The following TENM4 variants were observed in gnomAD, a reference collection of about 807,000 sequenced individuals.
TENM4 encodes teneurin transmembrane protein 4.
In TENM4, 82 loss-of-function variants were observed where a neutral mutation model predicts 243.3. The observed-to-expected ratio is 0.34, with a 90% CI of 0.28 to 0.40. TENM4 has a LOEUF of 0.40. Ranked by LOEUF, TENM4 falls within the 10% of genes least tolerant of loss-of-function variation. The pLI is 1.00. For synonymous variants in TENM4, 1,412 were observed against 1,456.3 expected, an observed-to-expected ratio of 0.97 and a Z score of 0.69; for missense variants, 3,138 against 3,673.3, an observed-to-expected ratio of 0.85 and a Z score of 3.77.
At chr11:79,193,067 T>C (rs776546260) in intron 3 of TENM4, 15 of 152,494 alleles carry the variant, frequency 9.8e-5, no homozygotes, top group African/African-American at 3.1e-4. Flanking sequence ...GAGGCCCTGA[T>C]TGATGCCCAG....
chr11:78,863,107 C>A lies in TENM4; in HGVS notation c.1110G>T (p.Trp370Cys). The A allele has an allele frequency of 6.6e-7, 1 of 1,523,970 alleles. No homozygotes were observed. The highest frequency in any genetic ancestry group is 8.9e-7 in the Non-Finnish European group (1 of 1,126,212). The allele number at this position is 1,523,970 out of a possible 1,614,324, so 94.4% of individuals were successfully genotyped here. Residue 370 changes from tryptophan to cysteine, a missense_variant, in exon 10 of 34, where the codon TGG becomes TGT. Trp to Cys is a radical substitution (Grantham distance 215). Coordinates refer to ENST00000278550, the MANE Select transcript of TENM4 (RefSeq NM_001098816.3). ...TCTGCCCCTCCATCGGCTGCAGGTGCCAGTTTAGGCCAAACAGGTGCATGG... is the reference window on the plus strand; with the variant it reads ...TCTGCCCCTCCATCGGCTGCAGGTGACAGTTTAGGCCAAACAGGTGCATGG... ...FVAMHLFGLN[W>C]HLQPMEGQMY...
intron 3 of TENM4, among the ~76,000 whole-genome samples, chr11:79,154,644 C>T (rs1191473285): frequency 2.6e-5 from 4 of 152,230 alleles, no homozygotes; most frequent in African/African-American, 9.6e-5. Flanking sequence ...AAGTGCCGTC[C>T]CCAAGGCTGG....
chr11:79,179,232 G>A (rs998710058), intron 3 of TENM4, among the ~76,000 whole-genome samples: 1 of 152,182 alleles, frequency 6.6e-6, no homozygotes, highest in African/African-American at 2.4e-5. Flanking sequence ...AGTCTGCTGA[G>A]GGAACTTTGT....
intron 29 of TENM4, among the ~76,000 whole-genome samples, chr11:78,686,641 A>G (rs1297824690): frequency 6.6e-6 from 1 of 152,166 alleles, no homozygotes; most frequent in Non-Finnish European, 1.5e-5. Flanking sequence ...GTTGAAGGAC[A>G]CCCAGCTGGT....
intron 17 of TENM4, among the ~76,000 whole-genome samples, chr11:78,774,124 C>A (rs911606887): frequency 2.6e-5 from 4 of 152,012 alleles, no homozygotes; most frequent in Non-Finnish European, 5.9e-5. Context: ...ATACCTGATT[C>A]AAAGAGTATG....
intron 16 of TENM4, among the ~76,000 whole-genome samples, chr11:78,783,642 A>G (rs1260791551): frequency 2.5e-4 from 38 of 152,166 alleles, no homozygotes; most frequent in Admixed American, 2.5e-3. Flanking sequence ...TCAAGATGCA[A>G]AGAGACAGGT....
chr11:78,768,356 C>T (rs190888271), intron 18 of TENM4, among the ~76,000 whole-genome samples: 34 of 152,340 alleles, frequency 2.2e-4, no homozygotes, highest in Middle Eastern at 6.8e-3. Flanking sequence ...GATGTCTTCC[C>T]GGCTGTTCTG....
At chr11:78,844,459 T>C (rs939648049) in intron 12 of TENM4, among the ~76,000 whole-genome samples, 1 of 152,138 alleles carries the variant, frequency 6.6e-6, no homozygotes, top group African/African-American at 2.4e-5. Context: ...CTGGCCAACA[T>C]GGTGAAACCC....
chr11:78,867,304 T>C (rs1223554475), intron 9 of TENM4, among the ~76,000 whole-genome samples: 2 of 152,134 alleles, frequency 1.3e-5, no homozygotes, highest in Non-Finnish European at 2.9e-5. Flanking sequence ...TCTATCTCCG[T>C]GAATTCAATT....
chr11:79,247,695 A>G (rs1855544190), intron 2 of TENM4, among the ~76,000 whole-genome samples: 1 of 152,216 alleles, frequency 6.6e-6, no homozygotes, highest in Non-Finnish European at 1.5e-5. Flanking sequence ...GAAGTGATGG[A>G]ACTGGCATTT....
intron 2 of TENM4, among the ~76,000 whole-genome samples, chr11:79,255,133 C>T (rs1590829104): frequency 6.6e-6 from 1 of 152,300 alleles, no homozygotes; most frequent in Non-Finnish European, 1.5e-5. Context: ...GTGCAAATCT[C>T]CCCACAGTTA....
chr11:79,390,436 G>C (rs1337542814), intron 1 of TENM4, among the ~76,000 whole-genome samples: 2 of 152,234 alleles, frequency 1.3e-5, no homozygotes, highest in Non-Finnish European at 2.9e-5. Flanking sequence ...GCATAGACAA[G>C]AGAACAGAAA....
intron 6 of TENM4, among the ~76,000 whole-genome samples, chr11:79,008,804 C>T (rs896873429): frequency 6.6e-6 from 1 of 152,130 alleles, no homozygotes; most frequent in Admixed American, 6.5e-5. Context: ...AAGGGATGGA[C>T]ATATTTTAAA....
chr11:79,439,574 G>T (rs1307939709), intron 1 of TENM4, among the ~76,000 whole-genome samples: 2 of 151,364 alleles, frequency 1.3e-5, no homozygotes, highest in Non-Finnish European at 2.9e-5. Context: ...TAACTCGCCC[G>T]ACCCCCCCGC....
chr11:78,688,406 C>A (rs769043960), intron 28 of TENM4, among the ~76,000 whole-genome samples, 180 bp from the exon 29 acceptor site: 2 of 152,138 alleles, frequency 1.3e-5, no homozygotes, highest in Non-Finnish European at 2.9e-5. Flanking sequence ...GGATGTGACT[C>A]CACCTGCTGA....
intron 9 of TENM4, among the ~76,000 whole-genome samples, chr11:78,881,167 T>C (rs574276635): frequency 6.6e-6 from 1 of 152,272 alleles, no homozygotes; most frequent in East Asian, 1.9e-4. Context: ...TCAATCCTAG[T>C]TAGGTCCCTA....
chr11:79,376,147 C>A (rs1565320859), intron 1 of TENM4, among the ~76,000 whole-genome samples: 1 of 152,200 alleles, frequency 6.6e-6, no homozygotes, highest in South Asian at 2.1e-4. Flanking sequence ...ATGTACAGTA[C>A]AACAGGGAAC....
At chr11:78,960,209 T>C (rs1215131272) in intron 6 of TENM4, among the ~76,000 whole-genome samples, 2 of 151,344 alleles carry the variant, frequency 1.3e-5, no homozygotes, top group African/African-American at 2.4e-5. Context: ...CTAAAAGGCA[T>C]AGAGGAGTAG....
rs1318485317 is a variant in TENM4 at position 78,941,396 on chromosome 11, T to TG, written c.494-37874dup. ...AACAGAAAGTGGCACATGGGGCTGG[T>TG]GGGTGGGCCTATAGGTGAAGGCCTA... is the stretch of plus-strand genomic sequence containing the variant. On this transcript the variant is annotated intron_variant, in intron 6 of 33. Transcript: ENST00000278550. Among the ~76,000 whole-genome samples, 5 of 151,534 alleles carry TG rather than the reference T, an allele frequency of 3.3e-5. No individual in the cohort carries two copies. In the South Asian group the frequency reaches 1.0e-3, roughly 32 times the overall value.
Sources: gnomAD v4.1 joint callset for allele counts (sites outside exome capture counted in the v4.1 genomes callset) on GRCh38, gnomAD v4.1.1 for gene constraint, MANE v1.5 for transcripts, NCBI Gene and HGNC (gene_info 2026-07-23, HGNC 2026-07-21) for gene names.